The following NR3C1 variants were observed in gnomAD, a reference collection of about 807,000 sequenced individuals.
NR3C1 encodes nuclear receptor subfamily 3 group C member 1, also known as glucocorticoid receptor.
NR3C1 carries 14 observed loss-of-function variants against 74.0 expected under a neutral mutation model. That is an observed-to-expected ratio of 0.19 (90% CI 0.12 to 0.30). NR3C1 has a LOEUF of 0.30. Among genes scored for constraint, NR3C1 ranks in the 10% least tolerant of loss-of-function variants. NR3C1 has a pLI of 1.00. For synonymous variants in NR3C1, 308 were observed against 332.5 expected (o/e 0.93, Z 0.80); for missense variants, 695 against 909.8 (o/e 0.76, Z 3.04).
chr5:143,333,034 A>T, intron 2 of NR3C1: 2 of 1,592,678 alleles, frequency 1.3e-6, no homozygotes, highest in Non-Finnish European at 1.7e-6. Flanking sequence ...CACCTGGGGA[A>T]GTTTGGCTTC....
chr5:143,374,943 G>A lies in NR3C1; in HGVS notation c.1184+24713C>T, dbSNP rs13186482. 5.1e-3 allele frequency among the ~76,000 whole-genome samples: 769 copies of A among 152,118 alleles called. 4 individuals are homozygous for A. Among genetic ancestry groups the A allele is most frequent in the African/African-American group, 0.017 (717 of 41,486 alleles). ...GAGACTCCATCTTATAACTTGGGAT[G>A]ATTACCATGAAGTGATGAAAACCAC... On this transcript the variant is annotated intron_variant, in intron 2 of 8. Transcript: ENST00000394464.
intron 4 of NR3C1, among the ~76,000 whole-genome samples, chr5:143,301,776 A>G (rs953188356): frequency 4.6e-5 from 7 of 152,112 alleles, no homozygotes; most frequent in African/African-American, 9.7e-5. Flanking sequence ...GGAAGAGTAA[A>G]TGTAAATCAC....
At chr5:143,347,874 C>G (rs1247452022) in intron 2 of NR3C1, among the ~76,000 whole-genome samples, 4 of 152,198 alleles carry the variant, frequency 2.6e-5, no homozygotes, top group African/African-American at 9.6e-5. Flanking sequence ...TATAGCTCTC[C>G]ACATTCTGTG....
At chr5:143,404,561 CAGAA>C, upstream of NR3C1, 3 of 947,446 alleles carry the variant, frequency 3.2e-6, no homozygotes, top group Non-Finnish European at 3.7e-6. Flanking sequence ...GCGGCGGCGG[CAGAA>C]GGAGGCGCCG....
chr5:143,324,240 A>C (rs1468045197), intron 2 of NR3C1, among the ~76,000 whole-genome samples: 1 of 152,224 alleles, frequency 6.6e-6, no homozygotes, highest in African/African-American at 2.4e-5. Flanking sequence ...CCTGCCCTGC[A>C]GTAATACTTC....
intron 2 of NR3C1, among the ~76,000 whole-genome samples, chr5:143,322,628 G>C (rs975761259): frequency 2.0e-5 from 3 of 152,054 alleles, no homozygotes; most frequent in African/African-American, 7.3e-5. Flanking sequence ...TGCATAATTA[G>C]CAGTTCCTAA....
At chr5:143,358,583 C>T (rs964371711) in intron 2 of NR3C1, among the ~76,000 whole-genome samples, 1 of 152,132 alleles carries the variant, frequency 6.6e-6, no homozygotes, top group African/African-American at 2.4e-5. Flanking sequence ...GTTTCCAAAC[C>T]CTTAGCAAAA....
chr5:143,432,212 G>A (rs1279071666), intron 1 of NR3C1, among the ~76,000 whole-genome samples: 1 of 152,194 alleles, frequency 6.6e-6, no homozygotes, highest in Admixed American at 6.5e-5. Context: ...CTGAGTGGGA[G>A]GTGACACTGG....
chr5:143,335,959 G>C (rs1405890835), intron 2 of NR3C1, among the ~76,000 whole-genome samples: 1 of 152,148 alleles, frequency 6.6e-6, no homozygotes, highest in Admixed American at 6.5e-5. Flanking sequence ...GCAAAACATG[G>C]ACACATGTAT....
At chr5:143,400,890 T>C in intron 1 of NR3C1, 38 bp from the exon 2 acceptor site, 1 of 1,481,418 alleles carries the variant, frequency 6.8e-7, no homozygotes, top group Non-Finnish European at 9.3e-7. Context: ...GAAAACATCA[T>C]AAGCTCTAAA....
At chr5:143,378,174 CCAG>C (rs1193517464) in intron 2 of NR3C1, among the ~76,000 whole-genome samples, 4 of 151,954 alleles carry the variant, frequency 2.6e-5, no homozygotes, top group Admixed American at 2.6e-4. Flanking sequence ...TTGCTTGAGC[CCAG>C]GAGTTCAAGG....
intron 2 of NR3C1, among the ~76,000 whole-genome samples, chr5:143,393,370 A>G (rs907135725): frequency 3.3e-5 from 5 of 152,198 alleles, no homozygotes; most frequent in African/African-American, 1.2e-4. Context: ...AGGTGTTTTG[A>G]AAACAATTCA....
At chr5:143,325,922 T>C (rs886145405) in intron 2 of NR3C1, among the ~76,000 whole-genome samples, 1 of 152,178 alleles carries the variant, frequency 6.6e-6, no homozygotes, top group Admixed American at 6.5e-5. Flanking sequence ...GCCAGTTAGA[T>C]AAAAAATTTA....
intron 1 of NR3C1, chr5:143,402,633 C>G (rs1561794804): frequency 2.0e-6 from 2 of 985,444 alleles, no homozygotes; most frequent in Non-Finnish European, 2.4e-6. Context: ...ACGCCCACTT[C>G]TAACAGATAA....
At chr5:143,380,200 A>C (rs1835930496) in intron 2 of NR3C1, among the ~76,000 whole-genome samples, 2 of 152,254 alleles carry the variant, frequency 1.3e-5, no homozygotes, top group South Asian at 4.1e-4. Context: ...ACAAATATTT[A>C]ACAAATCCTT....
intron 2 of NR3C1, among the ~76,000 whole-genome samples, chr5:143,344,581 A>G (rs1828866440): frequency 2.0e-5 from 3 of 152,156 alleles, no homozygotes; most frequent in African/African-American, 7.2e-5. Flanking sequence ...GAGAAAAAAA[A>G]AATGATGCTG....
upstream of NR3C1, chr5:143,404,077 C>G: frequency 1.0e-6 from 1 of 985,594 alleles, no homozygotes; most frequent in South Asian, 4.7e-5. Context: ...AGCTCCGCGG[C>G]TCCAGACCCA....
At chr5:143,305,258 A>G (rs1418308881) in intron 4 of NR3C1, among the ~76,000 whole-genome samples, 2 of 152,222 alleles carry the variant, frequency 1.3e-5, no homozygotes, top group Non-Finnish European at 2.9e-5. Context: ...CAACAAACAT[A>G]TGGAAAAATG....
rs1354121591 is a variant in NR3C1, at chr5:143,409,938, T to C, written c.-13-9086A>G. ...GTGCTCATATGCGTGAAATGCCCAA[T>C]GGGTGTCCTGGTTGACTTTATTCTT... On this transcript the variant is annotated intron_variant, in intron 1 of 8. Coordinates refer to the NR3C1 transcript ENST00000343796. 2.0e-5 allele frequency among the ~76,000 whole-genome samples: 3 copies of C among 152,346 alleles called. No homozygotes were observed. In the East Asian group the frequency reaches 5.8e-4, roughly 29 times the overall value.
Sources: allele counts gnomAD v4.1 joint callset (sites outside exome capture counted in the v4.1 genomes callset), GRCh38; gene constraint gnomAD v4.1.1; transcripts MANE v1.5; gene names NCBI Gene and HGNC (gene_info 2026-07-23, HGNC 2026-07-21).